CORO6: variants seen among roughly 807,000 people sequenced by gnomAD.
CORO6 encodes coronin-6.
CORO6 carries 43 observed loss-of-function variants against 49.0 expected under a neutral mutation model. That is an observed-to-expected ratio of 0.88 (90% confidence interval 0.69 to 1.13). The LOEUF (loss-of-function observed/expected upper bound fraction) is 1.13. Ranked by LOEUF, CORO6 falls within the 50% of genes most tolerant of loss-of-function variation. The pLI is 0.00. For missense variants in CORO6, 650 were observed against 647.0 expected (o/e 1.00, Z -0.05); for synonymous variants, 233 against 256.5 (o/e 0.91, Z 0.88).
In CORO6 at chr17:29,619,209, A is replaced by G. The variant is rs2035177810; in HGVS notation, c.322-20T>C. 2 of 1,612,162 alleles carry G rather than the reference A, an allele frequency of 1.2e-6. No homozygotes were observed. Among genetic ancestry groups the G allele is most frequent in the Non-Finnish European group, 1.7e-6 (2 of 1,179,546 alleles). On this transcript the variant is annotated intron_variant, in intron 3 of 10. Transcript: ENST00000388767. ...CCACACCTGGGTAGGAAGAAAAGGT[A>G]TATGGTGGGTGGAATGAGGAGCCAC...
Position 29,621,562 on chromosome 17 carries a change from G to A in CORO6, c.-63-78C>T. ...CAGGAGTCAGGTATAAATCCATATAGTGTCTGGTCCTAGAAGCAGGGAGCT... is the reference window on the plus strand; with the variant it reads ...CAGGAGTCAGGTATAAATCCATATAATGTCTGGTCCTAGAAGCAGGGAGCT... On this transcript the variant is annotated intron_variant, in intron 1 of 10. Transcript: ENST00000388767. The surrounding 1 kb of genome is among the most constrained non-coding windows in gnomAD (Gnocchi z 4.2). 1 of 1,408,508 alleles carries A rather than the reference G, an allele frequency of 7.1e-7. No homozygotes were observed. The highest frequency in any genetic ancestry group is 9.5e-7 in the Non-Finnish European group (1 of 1,048,200). 87.3% of individuals were successfully genotyped at this position (1,408,508 alleles called of 1,614,324 possible).
Position 29,621,372 on chromosome 17 carries a change from T to C in CORO6, c.50A>G (p.Gln17Arg). ...RQSKFRHVFG[Q>R]AAKADQAYED... The stretch of plus-strand genomic sequence containing the variant: ...GTAGGCCTGGTCGGCCTTTGCTGCC[T>C]GCCCAAACACATGGCGGAACTTGCT... The change falls in exon 2 of 11, where the codon CAG (glutamine) becomes CGG (arginine). Residue 17 changes from glutamine to arginine, a missense_variant. By Grantham distance (43) the Gln-to-Arg change is conservative. Coordinates refer to ENST00000388767, the MANE Select transcript of CORO6 (RefSeq NM_032854.4). The surrounding 1 kb of genome is among the most constrained non-coding windows in gnomAD (Gnocchi z 4.2). The C allele has an allele frequency of 6.2e-7, 1 of 1,614,088 alleles. No individual in the cohort carries two copies. Among genetic ancestry groups the C allele is most frequent in the African/African-American group, 1.3e-5 (1 of 75,058 alleles).
In CORO6 at chr17:29,615,942, T is replaced by G. The variant is rs781178718; in HGVS notation, c.1293+3A>C. On this transcript the variant is annotated splice_donor_region_variant and intron_variant, in intron 10 of 10. Transcript: ENST00000388767. ...GGCCAGAGTGCAGCAGGGCCGATCT[T>G]ACCGACAAGGGGGCGTCGCTGGCCG... 6.3e-7 allele frequency: 1 copy of G among 1,578,678 alleles called. No homozygotes were observed. The highest frequency in any genetic ancestry group is 1.3e-5 in the African/African-American group (1 of 74,086).
At chr17:29,617,312 C>G in intron 6 of CORO6, 188 bp downstream of exon 6, 1 of 1,526,396 alleles carries the variant, frequency 6.6e-7, no homozygotes. Context: ...GGGGCGCCAG[C>G]GCAGGATCCT....
At position 29,615,664 on chromosome 17, in the gene CORO6, G is replaced by A. The variant is rs1418379098; in HGVS notation, c.*68C>T. Reference sequence around the variant, plus strand: ...CCCAAGAAGGCGGGGTCCGGAGTTCGGGACTAAAAGCCGGGGCGGGGCCGA... The same window carrying A: ...CCCAAGAAGGCGGGGTCCGGAGTTCAGGACTAAAAGCCGGGGCGGGGCCGA... On this transcript the variant is annotated 3_prime_UTR_variant, in exon 11 of 11. Transcript: ENST00000388767. The A allele has an allele frequency of 4.2e-6, 6 of 1,419,912 alleles. No homozygotes were observed. Among genetic ancestry groups the A allele is most frequent in the Middle Eastern group, 2.6e-4 (1 of 3,848 alleles). 88.0% of individuals were successfully genotyped at this position (1,419,912 alleles called of 1,614,324 possible).
Position 29,621,154 on chromosome 17 carries a change from C to G in CORO6, c.198+70G>C, listed in dbSNP as rs2035287111. 2 of 1,582,372 alleles carry G rather than the reference C, an allele frequency of 1.3e-6. No homozygotes were observed. Among genetic ancestry groups the G allele is most frequent in the Non-Finnish European group, 1.7e-6 (2 of 1,158,950 alleles). On this transcript the variant is annotated intron_variant, in intron 2 of 10. Coordinates refer to ENST00000388767, the MANE Select transcript of CORO6 (RefSeq NM_032854.4). The surrounding 1 kb of genome is among the most constrained non-coding windows in gnomAD (Gnocchi z 4.2). ...ACTATGGAATGGAACTAGGTGAGAA[C>G]AAAGGCTCAGGAGTTCCCAGGGGCC...
intron 5 of CORO6, chr17:29,618,116 C>A: frequency 7.0e-7 from 1 of 1,434,900 alleles, no homozygotes; most frequent in Non-Finnish European, 9.1e-7. Flanking sequence ...TTCCCGTCTG[C>A]GGTGAAGACA....
rs2034864562 is a variant in CORO6, at chr17:29,615,973, C to A, written c.1265G>T (p.Ser422Ile). The A allele has an allele frequency of 1.3e-6, 2 of 1,586,872 alleles. No individual in the cohort carries two copies. Among genetic ancestry groups the A allele is most frequent in the South Asian group, 2.3e-5 (2 of 88,440 alleles). Residue 422 changes from serine (S) to isoleucine (I), a missense_variant, in exon 10 of 11, where the codon AGC becomes ATC. Ser to Ile is a moderately radical substitution (Grantham distance 142). Transcript: ENST00000388767. ...DVRPPSGPRRSQSASDAPLSQ... is the reference protein window; with the variant it reads ...DVRPPSGPRRIQSASDAPLSQ... ...CAAGGGGGCGTCGCTGGCCGACTGG[C>A]TGCGGCGGGGGCCGGAGGGCGGGCG...
In CORO6 at chr17:29,616,783, G is replaced by A; in HGVS notation, c.923C>T (p.Thr308Met). The change falls in exon 8 of 11, where the codon ACG (threonine) becomes ATG (methionine). Residue 308 changes from threonine (T) to methionine (M), a missense_variant. Physicochemically the swap from Thr to Met is moderately conservative, Grantham distance 81. Transcript: ENST00000388767. The surrounding 1 kb of genome is among the most constrained non-coding windows in gnomAD (Gnocchi z 5.6). ...CCGCTGCGGCTCTTTGCTGCTGAAC[G>A]TGTTCAGGTAGTGCACGAAAGGCGG... ...DEPPFVHYLN[T>M]FSSKEPQRGM... The A allele has an allele frequency of 6.2e-7, 1 of 1,613,894 alleles. No homozygotes were observed.
chr17:29,615,720 TG>T lies in CORO6; in HGVS notation c.*11del. ...TGCGCCCCGCCCCGCTCCGCCTGCC[TG>T]GCGCGCGGGGCTAGTCCGTGCCGTC... On this transcript the variant is annotated 3_prime_UTR_variant, in exon 11 of 11. Transcript: ENST00000388767. 6.7e-7 allele frequency: 1 copy of T among 1,492,532 alleles called. No individual in the cohort carries two copies. The highest frequency in any genetic ancestry group is 8.9e-7 in the Non-Finnish European group (1 of 1,124,454). 92.5% of individuals were successfully genotyped at this position (1,492,532 alleles called of 1,614,324 possible). A position where few individuals can be genotyped will look rare whatever the true frequency, so the allele number is the denominator to read the frequency against.
In CORO6 at chr17:29,615,695, T is replaced by TGCGCC. The variant is rs1306409083; in HGVS notation, c.*32_*36dup. The TGCGCC allele has an allele frequency of 6.8e-7, 1 of 1,460,582 alleles. No homozygotes were observed. The highest frequency in any genetic ancestry group is 9.0e-7 in the Non-Finnish European group (1 of 1,109,814). The allele number at this position is 1,460,582 out of a possible 1,614,324, so 90.5% of individuals were successfully genotyped here. ...AAAAGCCGGGGCGGGGCCGAGCTTG[T>TGCGCC]GCGCCCCGCCCCGCTCCGCCTGCCT... On this transcript the variant is annotated 3_prime_UTR_variant, in exon 11 of 11. Coordinates refer to ENST00000388767, the MANE Select transcript of CORO6 (RefSeq NM_032854.4).
chr17:29,615,758 A>T lies in CORO6; in HGVS notation c.1393T>A (p.Cys465Ser), dbSNP rs549773249. The T allele has an allele frequency of 6.5e-7, 1 of 1,550,052 alleles. No individual in the cohort carries two copies. Among genetic ancestry groups the T allele is most frequent in the Non-Finnish European group, 8.7e-7 (1 of 1,147,796 alleles). The change falls in exon 11 of 11, where the codon TGC becomes AGC. Residue 465 changes from cysteine to serine, a missense_variant. Transcript: ENST00000388767. ...QRITALENML[C>S]ELVDGTD ...TAGTCCGTGCCGTCCACCAGCTCGCACAGCATGTTCTCCAGAGCCGTGATG... is the reference window on the plus strand; with the variant it reads ...TAGTCCGTGCCGTCCACCAGCTCGCTCAGCATGTTCTCCAGAGCCGTGATG...
At position 29,617,617 on chromosome 17, in the gene CORO6, C is replaced by T. The variant is rs749244425; in HGVS notation, c.636G>A (p.Glu212=). The T allele has an allele frequency of 6.3e-7, 1 of 1,593,758 alleles. No individual in the cohort carries two copies. Among genetic ancestry groups the T allele is most frequent in the East Asian group, 2.3e-5 (1 of 44,140 alleles). The change falls in exon 6 of 11, where the codon GAG becomes GAA. Residue 212 remains glutamate (E), a splice_region_variant and synonymous_variant. Transcript: ENST00000388767. ...IDPRKGQVVA[E]RFAAHEGMRP... is the part of the protein sequence containing the mutation. Reference sequence around the variant, plus strand: ...TCATCCCCTCGTGGGCCGCAAACCTCTCCTGGGGGGAGGGGGAGACAGGGA... The same window carrying T: ...TCATCCCCTCGTGGGCCGCAAACCTTTCCTGGGGGGAGGGGGAGACAGGGA...
Position 29,615,993 on chromosome 17 carries a change from C to A in CORO6, c.1245G>T (p.Pro415=). Residue 415 remains proline (P), a synonymous_variant, in exon 10 of 11, where the codon CCG becomes CCT. Transcript: ENST00000388767. ...ACTGGCTGCGGCGGGGGCCGGAGGG[C>A]GGGCGCACGTCCAGGATGTTGCGCT... ...VTKRNILDVR[P]PSGPRRSQSA... The A allele has an allele frequency of 6.3e-7, 1 of 1,583,216 alleles. No homozygotes were observed. The highest frequency in any genetic ancestry group is 1.1e-5 in the South Asian group (1 of 88,528).
In CORO6 at chr17:29,615,866, G is replaced by A; in HGVS notation, c.1294-9C>T. Reference sequence around the variant, plus strand: ...TCCAGGGTGTGCTGCTGCTGGGGCGGAGGACAGAGAGGCCGTGTCGTATAG... The same window carrying A: ...TCCAGGGTGTGCTGCTGCTGGGGCGAAGGACAGAGAGGCCGTGTCGTATAG... On this transcript the variant is annotated splice_polypyrimidine_tract_variant and intron_variant, in intron 10 of 10. Coordinates refer to ENST00000388767, the MANE Select transcript of CORO6 (RefSeq NM_032854.4). The A allele has an allele frequency of 6.2e-7, 1 of 1,600,698 alleles. No individual in the cohort carries two copies. The highest frequency in any genetic ancestry group is 2.2e-5 in the East Asian group (1 of 44,540).
chr17:29,618,753 C>A (rs754474252), intron 5 of CORO6, 37 bp downstream of exon 5: 11 of 1,604,430 alleles, frequency 6.9e-6, no homozygotes, highest in Middle Eastern at 1.8e-4. Flanking sequence ...GGCCACTGGT[C>A]AAGGGGTTCT....
chr17:29,616,260 C>A lies in CORO6; in HGVS notation c.1062+19G>T, dbSNP rs1446944615. The A allele has an allele frequency of 1.9e-6, 3 of 1,611,398 alleles. No individual in the cohort carries two copies. Among genetic ancestry groups the A allele is most frequent in the Admixed American group, 1.7e-5 (1 of 59,680 alleles). On this transcript the variant is annotated intron_variant, in intron 9 of 10. Transcript: ENST00000388767. This position sits in a 1 kb window ranked among gnomAD's most constrained non-coding sequence, Gnocchi z 5.6. Reference sequence around the variant, plus strand: ...CTTCCGCCTCGTAGCCCTGCCCAACCCTTCTCCCGGCCCCTCACCTTGCGG... The same window carrying A: ...CTTCCGCCTCGTAGCCCTGCCCAACACTTCTCCCGGCCCCTCACCTTGCGG...
rs1440221038 is a variant in CORO6, at chr17:29,621,398, T to G, written c.24A>C (p.Gln8His). Residue 8 changes from glutamine (Q) to histidine (H), a missense_variant, in exon 2 of 11, where the codon CAA becomes CAC. Transcript: ENST00000388767. This position sits in a 1 kb window ranked among gnomAD's most constrained non-coding sequence, Gnocchi z 4.2. MSRRVVR[Q>H]SKFRHVFGQA... Reference sequence around the variant, plus strand: ...GCCCAAACACATGGCGGAACTTGCTTTGCCGAACCACACGTCTGCTCATAG... The same window carrying G: ...GCCCAAACACATGGCGGAACTTGCTGTGCCGAACCACACGTCTGCTCATAG... 1 of 1,612,892 alleles carries G rather than the reference T, an allele frequency of 6.2e-7. No homozygotes were observed. The highest frequency in any genetic ancestry group is 8.5e-7 in the Non-Finnish European group (1 of 1,179,442).
In CORO6 at chr17:29,616,998, G is replaced by A; in HGVS notation, c.798C>T (p.Ser266=). 6.2e-7 allele frequency: 1 copy of A among 1,613,790 alleles called. No homozygotes were observed. The highest frequency in any genetic ancestry group is 8.5e-7 in the Non-Finnish European group (1 of 1,180,030). Residue 266 remains serine, a synonymous_variant, in exon 7 of 11, where the codon AGC becomes AGT. Coordinates refer to ENST00000388767, the MANE Select transcript of CORO6 (RefSeq NM_032854.4). The surrounding 1 kb of genome is among the most constrained non-coding windows in gnomAD (Gnocchi z 5.6). ...CGTAAAAGGGCAATAGGACCCCGTTGCTTGTGTCCATCTCCTGCAGTGCCA... is the reference window on the plus strand; with the variant it reads ...CGTAAAAGGGCAATAGGACCCCGTTACTTGTGTCCATCTCCTGCAGTGCCA... ...EPVALQEMDT[S]NGVLLPFYDP...
Sources: allele counts gnomAD v4.1 joint callset, GRCh38; gene constraint gnomAD v4.1.1; non-coding constraint Gnocchi (gnomAD v3.1); transcripts MANE v1.5; gene names NCBI Gene and HGNC (gene_info 2026-07-23, HGNC 2026-07-21).